ZNF385D: variants seen among roughly 807,000 people sequenced by gnomAD.
The protein encoded by ZNF385D is zinc finger protein 659.
Under a neutral mutation model 35.8 loss-of-function variants are expected in ZNF385D, and 15 were observed. The observed-to-expected ratio is 0.42, with a 90% CI of 0.28 to 0.64. The LOEUF is 0.64. Ranked by LOEUF, ZNF385D falls within the 30% of genes least tolerant of loss-of-function variation. The pLI is 0.23. For missense variants in ZNF385D, 474 were observed against 494.6 expected, an observed-to-expected ratio of 0.96 and a Z score of 0.39; for synonymous variants, 212 against 186.8, an observed-to-expected ratio of 1.13 and a Z score of -1.10.
intron 3 of ZNF385D, among the ~76,000 whole-genome samples, chr3:21,988,836 G>C (rs1269507993): frequency 6.6e-6 from 1 of 152,174 alleles, no homozygotes; most frequent in Non-Finnish European, 1.5e-5. Flanking sequence ...GTGGGCGTAG[G>C]ACCCTCCGAG....
chr3:21,664,825 C>T, intron 2 of ZNF385D, 61 bp downstream of exon 2: 1 of 1,609,016 alleles, frequency 6.2e-7, no homozygotes, highest in Non-Finnish European at 8.5e-7. Flanking sequence ...CCAACCCTGG[C>T]CTTTAAGTTA....
chr3:22,160,801 T>C (rs1705901400), intron 3 of ZNF385D, among the ~76,000 whole-genome samples: 1 of 152,086 alleles, frequency 6.6e-6, no homozygotes, highest in Non-Finnish European at 1.5e-5. Context: ...TTAACCCAAA[T>C]ATGACAAAGA....
rs561761501 is a variant in ZNF385D at position 21,974,725 on chromosome 3, G to A, written c.325+194092C>T. Among the ~76,000 whole-genome samples the A allele has an allele frequency of 6.1e-3, 922 of 151,678 alleles. 10 individuals carry two copies. Among genetic ancestry groups the A allele is most frequent in the African/African-American group, 0.021 (882 of 41,380 alleles). On this transcript the variant is annotated intron_variant, in intron 3 of 5. Transcript: ENST00000494108. ...ATAAGGAGCTCAGACAACTCAATAA[G>A]AAAAAAAACCAATCCAATTTAAAAT...
intron 3 of ZNF385D, among the ~76,000 whole-genome samples, chr3:21,869,661 G>T (rs962164855): frequency 6.6e-6 from 1 of 151,976 alleles, no homozygotes; most frequent in African/African-American, 2.4e-5. Context: ...AAAAAATAGC[G>T]TAACACAGTT....
intron 2 of ZNF385D, among the ~76,000 whole-genome samples, chr3:21,648,504 T>C (rs991506058): frequency 2.6e-5 from 4 of 152,146 alleles, no homozygotes; most frequent in Non-Finnish European, 5.9e-5. Context: ...GCTGTGCAAA[T>C]TGCTTCTTGC....
At chr3:21,919,808 T>C (rs1274558725) in intron 3 of ZNF385D, among the ~76,000 whole-genome samples, 1 of 152,224 alleles carries the variant, frequency 6.6e-6, no homozygotes, top group Non-Finnish European at 1.5e-5. Context: ...ATCTTCCATT[T>C]TGATATTATT....
chr3:21,805,951 G>A (rs145567511), intron 3 of ZNF385D, among the ~76,000 whole-genome samples: 2 of 152,308 alleles, frequency 1.3e-5, no homozygotes, highest in East Asian at 1.9e-4. Flanking sequence ...CAATCTGGGA[G>A]AGGTCACTTT....
At chr3:21,692,689 T>C (rs2067322403) in intron 1 of ZNF385D, among the ~76,000 whole-genome samples, 2 of 152,246 alleles carry the variant, frequency 1.3e-5, no homozygotes, top group Admixed American at 6.5e-5. Flanking sequence ...TCCCAAAGAG[T>C]GCATGTCTTC....
Position 21,771,204 on chromosome 3 carries a change from C to A in ZNF385D, c.326-106176G>T, listed in dbSNP as rs201445997. On this transcript the variant is annotated intron_variant, in intron 3 of 5. Coordinates refer to the ZNF385D transcript ENST00000494108. The stretch of plus-strand genomic sequence containing the variant: ...TGTATACATATGTGACAAACCTGCA[C>A]GTTGTGGACATGTACCCTAGAACTT... Among the ~76,000 whole-genome samples, 44 of 151,244 alleles carry A rather than the reference C, an allele frequency of 2.9e-4. No homozygotes were observed. In the East Asian group the frequency reaches 8.4e-3, roughly 29 times the overall value.
intron 4 of ZNF385D, among the ~76,000 whole-genome samples, chr3:21,442,802 C>G (rs1462813111): frequency 6.6e-6 from 1 of 151,288 alleles, no homozygotes; most frequent in Non-Finnish European, 1.5e-5. Context: ...GCTGGGAGTT[C>G]ATAAGTGTGT....
chr3:22,085,126 A>G (rs1357023926), intron 3 of ZNF385D, among the ~76,000 whole-genome samples: 3 of 152,246 alleles, frequency 2.0e-5, no homozygotes, highest in Non-Finnish European at 4.4e-5. Flanking sequence ...GAAAGCAGGA[A>G]AGATCTAAAA....
At chr3:21,462,330 G>A (rs1252423211) in intron 4 of ZNF385D, among the ~76,000 whole-genome samples, 1 of 152,158 alleles carries the variant, frequency 6.6e-6, no homozygotes, top group African/African-American at 2.4e-5. Context: ...TATGCAGTGA[G>A]TAAGCAGACA....
chr3:21,659,883 C>A (rs768132318), intron 2 of ZNF385D, among the ~76,000 whole-genome samples: 1 of 152,078 alleles, frequency 6.6e-6, no homozygotes, highest in Non-Finnish European at 1.5e-5. Flanking sequence ...TCTCAGGCCC[C>A]TCCCCAGAAC....
chr3:22,172,318 T>A (rs553945695), intron 2 of ZNF385D, among the ~76,000 whole-genome samples: 31 of 152,318 alleles, frequency 2.0e-4, no homozygotes, highest in African/African-American at 7.0e-4. Context: ...TGGATACTGA[T>A]TTACTCTTGC....
chr3:22,044,597 G>A lies in ZNF385D; in HGVS notation c.325+124220C>T, dbSNP rs145327252. ...AGAAGGGAGAATTTTATTATGTAGG[G>A]AAGGTGGTGATGAATTTTGGAGTAA... On this transcript the variant is annotated intron_variant, in intron 3 of 5. Coordinates refer to the ZNF385D transcript ENST00000494108. Among the ~76,000 whole-genome samples, 1,181 of 152,224 alleles carry A rather than the reference G, an allele frequency of 7.8e-3. 13 individuals are homozygous for A. The highest frequency in any genetic ancestry group is 0.028 in the African/African-American group (1,143 of 41,532).
chr3:21,719,746 G>A (rs2068464571), intron 1 of ZNF385D, among the ~76,000 whole-genome samples: 2 of 151,136 alleles, frequency 1.3e-5, no homozygotes, highest in South Asian at 4.1e-4. Context: ...CTCTCTCTCA[G>A]AGTATAATGT....
intron 3 of ZNF385D, among the ~76,000 whole-genome samples, chr3:22,108,302 G>A (rs1045479274): frequency 6.6e-6 from 1 of 151,190 alleles, no homozygotes; most frequent in Non-Finnish European, 1.5e-5. Context: ...TCTGTCGAGT[G>A]TTCGATTTTC....
intron 1 of ZNF385D, among the ~76,000 whole-genome samples, chr3:21,699,631 G>A (rs968300143): frequency 3.9e-5 from 6 of 151,914 alleles, no homozygotes; most frequent in Non-Finnish European, 8.8e-5. Flanking sequence ...GACTTAGTAT[G>A]AAAAAGGGAA....
chr3:22,143,056 C>CG (rs1375833684), intron 3 of ZNF385D, among the ~76,000 whole-genome samples: 4 of 119,702 alleles, frequency 3.3e-5, no homozygotes, highest in Non-Finnish European at 5.1e-5. Context: ...TCTATTAAAT[C>CG]GGTTGTGTGT....
Sources: allele counts gnomAD v4.1 joint callset (sites outside exome capture counted in the v4.1 genomes callset), GRCh38; gene constraint gnomAD v4.1.1; transcripts MANE v1.5; gene names NCBI Gene and HGNC (gene_info 2026-07-23, HGNC 2026-07-21).